Variants in DYM observed in about 807,000 individuals in gnomAD.
The protein encoded by DYM is dymeclin, also known as dyggve-Melchior-Clausen syndrome protein.
Under a neutral mutation model 93.1 loss-of-function variants are expected in DYM, and 78 were observed. The ratio of observed to expected loss-of-function variants is 0.84; its 90% CI spans 0.70 to 1.01. The LOEUF is 1.01. DYM is among the 50% of genes least tolerant of loss of function. The pLI is 0.00. For missense variants in DYM, 789 were observed against 845.0 expected (o/e 0.93, Z 0.82); for synonymous variants, 321 against 319.7 (o/e 1.00, Z -0.04).
intron 6 of DYM, among the ~76,000 whole-genome samples, chr18:49,350,861 C>G (rs2065059293): frequency 6.6e-6 from 1 of 151,718 alleles, no homozygotes; most frequent in South Asian, 2.1e-4. Context: ...CTGATTTTTT[C>G]CATGCACACA....
At position 49,430,432 on chromosome 18, in the gene DYM, A is replaced by G; in HGVS notation, c.-38T>C. On this transcript the variant is annotated 5_prime_UTR_variant, in exon 2 of 18. An upstream start codon of the reference 5' UTR is lost. Transcript: ENST00000675505. ...GCAGATAATTTGTCCTTAAACCTGCATTTCCAAAAGACAACCTATAAAAAA... is the reference window on the plus strand; with the variant it reads ...GCAGATAATTTGTCCTTAAACCTGCGTTTCCAAAAGACAACCTATAAAAAA... 5 of 1,610,990 alleles carry G rather than the reference A, an allele frequency of 3.1e-6. No homozygotes were observed. The highest frequency in any genetic ancestry group is 4.2e-6 in the Non-Finnish European group (5 of 1,179,764).
chr18:49,446,450 G>C (rs1488194467), intron 1 of DYM, among the ~76,000 whole-genome samples: 2 of 152,136 alleles, frequency 1.3e-5, no homozygotes, highest in African/African-American at 2.4e-5. Context: ...GAGAGAATGA[G>C]CTTTACTATT....
intron 17 of DYM, among the ~76,000 whole-genome samples, chr18:49,090,755 C>T (rs1181546910): frequency 6.6e-6 from 1 of 152,098 alleles, no homozygotes; most frequent in African/African-American, 2.4e-5. Flanking sequence ...AAAAATTTAT[C>T]CTAATACCAT....
At chr18:49,094,549 GA>G (rs2079373854) in intron 17 of DYM, among the ~76,000 whole-genome samples, 1 of 152,174 alleles carries the variant, frequency 6.6e-6, no homozygotes, top group East Asian at 1.9e-4. Context: ...AGTAAGAAGA[GA>G]ATGTTTAGAA....
chr18:49,257,560 G>A (rs2094412274), intron 12 of DYM, among the ~76,000 whole-genome samples: 4 of 152,174 alleles, frequency 2.6e-5, no homozygotes, highest in Admixed American at 6.5e-5. Flanking sequence ...AATGGGCTGG[G>A]AGTAGGGGCT....
chr18:49,102,749 C>T (rs2145673264), intron 16 of DYM, among the ~76,000 whole-genome samples: 1 of 152,250 alleles, frequency 6.6e-6, no homozygotes, highest in African/African-American at 2.4e-5. Flanking sequence ...ATGAACTCAT[C>T]CTTTTTTATG....
At position 49,324,138 on chromosome 18, in the gene DYM, CAAAAAAAAAAAA is replaced by C. The variant is rs59640889; in HGVS notation, c.763+7714_763+7725del. Reference sequence around the variant, plus strand: ...TGACAGAGCCAGATAGGCTCTGTCTCAAAAAAAAAAAAAAAAAAAAAAAAAAAAAAATCTTTA... The same window carrying C: ...TGACAGAGCCAGATAGGCTCTGTCTCAAAAAAAAAAAAAAAAAAATCTTTA... On this transcript the variant is annotated intron_variant, in intron 8 of 17. Coordinates refer to ENST00000675505, the MANE Select transcript of DYM (RefSeq NM_001353214.3). Among the ~76,000 whole-genome samples the C allele has an allele frequency of 1.5e-3, 80 of 54,444 alleles. No individual in the cohort carries two copies. In the East Asian group the frequency reaches 0.021, roughly 14 times the overall value. The allele number at this position is 54,444 out of a possible 152,430, so 35.7% of individuals were successfully genotyped here.
intron 15 of DYM, among the ~76,000 whole-genome samples, chr18:49,156,980 A>C (rs993642006): frequency 4.0e-5 from 6 of 151,062 alleles, no homozygotes; most frequent in African/African-American, 1.2e-4. Flanking sequence ...CAGCTGGTTG[A>C]CAGGAAGCCT....
chr18:49,108,449 C>G (rs1485013058), intron 16 of DYM, among the ~76,000 whole-genome samples: 1 of 152,258 alleles, frequency 6.6e-6, no homozygotes, highest in Non-Finnish European at 1.5e-5. Context: ...ATGAGATGAA[C>G]CCGGTATCTC....
chr18:49,357,378 C>G (rs1358379710), intron 6 of DYM, among the ~76,000 whole-genome samples: 1 of 152,072 alleles, frequency 6.6e-6, no homozygotes, highest in Non-Finnish European at 1.5e-5. Flanking sequence ...GATATAAAGC[C>G]CATCGTCCCT....
At chr18:49,359,991 T>C (rs1466666196) in intron 6 of DYM, 1 of 152,214 alleles carries the variant, frequency 6.6e-6, no homozygotes, top group Non-Finnish European at 1.5e-5. Flanking sequence ...TCCAAGAACA[T>C]TAAATCATCA....
At chr18:49,355,936 G>A (rs1330738363) in intron 6 of DYM, among the ~76,000 whole-genome samples, 1 of 152,050 alleles carries the variant, frequency 6.6e-6, no homozygotes, top group African/African-American at 2.4e-5. Flanking sequence ...CTCTCAGGAG[G>A]AAACATTTAA....
chr18:49,220,009 T>C (rs1031299448), intron 13 of DYM, among the ~76,000 whole-genome samples: 6 of 151,348 alleles, frequency 4.0e-5, no homozygotes, highest in African/African-American at 9.7e-5. Context: ...AAAACCCCAT[T>C]GTCTCAGCCC....
chr18:49,048,734 C>T (rs1033263275), intron 17 of DYM, among the ~76,000 whole-genome samples: 3 of 152,188 alleles, frequency 2.0e-5, no homozygotes, highest in East Asian at 3.8e-4. Flanking sequence ...ATGACTATTC[C>T]GCTAGAAGGA....
Position 49,043,537 on chromosome 18 carries a change from A to G in DYM, c.*518T>C. The stretch of plus-strand genomic sequence containing the variant: ...CCCTCTGACAGGCAACCAAACACAC[A>G]CGACTTCATTTCTTTATTAATTCCT... On this transcript the variant is annotated 3_prime_UTR_variant, in exon 18 of 18. Coordinates refer to ENST00000675505, the MANE Select transcript of DYM (RefSeq NM_001353214.3). The G allele has an allele frequency of 6.4e-6, 1 of 155,604 alleles. No individual in the cohort carries two copies. Among genetic ancestry groups the G allele is most frequent in the Non-Finnish European group, 1.4e-5 (1 of 70,122 alleles). The allele number at this position is 155,604 out of a possible 1,614,324, so 9.6% of individuals were successfully genotyped here.
chr18:49,387,338 G>T (rs1318607369), intron 3 of DYM, among the ~76,000 whole-genome samples: 1 of 152,078 alleles, frequency 6.6e-6, no homozygotes, highest in Admixed American at 6.5e-5. Flanking sequence ...GTGCAAAGTT[G>T]TGATCTCGGC....
chr18:49,096,455 C>T (rs901012925), intron 17 of DYM, among the ~76,000 whole-genome samples: 3 of 152,174 alleles, frequency 2.0e-5, no homozygotes, highest in Non-Finnish European at 4.4e-5. Flanking sequence ...AAAACAGTAA[C>T]AACACTGGAA....
chr18:49,226,905 C>G (rs753897082), intron 13 of DYM, among the ~76,000 whole-genome samples: 1 of 151,988 alleles, frequency 6.6e-6, no homozygotes, highest in Non-Finnish European at 1.5e-5. Context: ...TATAATTCAG[C>G]CTGAAAATAT....
chr18:49,380,532 C>T (rs78150071), intron 3 of DYM, among the ~76,000 whole-genome samples: 2,312 of 152,256 alleles, frequency 0.015, 58 homozygotes, highest in African/African-American at 0.052. Flanking sequence ...TGCATTTCAC[C>T]GATCCTCACC....
Sources: gnomAD v4.1 joint callset for allele counts (sites outside exome capture counted in the v4.1 genomes callset) on GRCh38, gnomAD v4.1.1 for gene constraint, MANE v1.5 for transcripts, NCBI Gene and HGNC (gene_info 2026-07-23, HGNC 2026-07-21) for gene names.